The following KYAT3 variants were observed in gnomAD, a reference collection of about 807,000 sequenced individuals.
KYAT3 encodes the protein kynurenine--oxoglutarate transaminase 3.
A neutral mutation model predicts 59.0 loss-of-function variants in KYAT3; 50 were observed. The observed-to-expected ratio is 0.85, with a 90% CI of 0.68 to 1.07. KYAT3 has a LOEUF of 1.07. KYAT3 is among the 50% of genes least tolerant of loss of function. The probability of loss-of-function intolerance (pLI) is 0.00; values close to 1 mark genes in which losing one functional copy is unlikely to be tolerated. For synonymous variants in KYAT3, 148 were observed against 177.0 expected, an observed-to-expected ratio of 0.84 and a Z score of 1.30; for missense variants, 497 against 533.3, an observed-to-expected ratio of 0.93 and a Z score of 0.67.
intron 2 of KYAT3, among the ~76,000 whole-genome samples, chr1:88,973,070 G>C (rs1676619963): frequency 6.6e-6 from 1 of 152,146 alleles, no homozygotes; most frequent in Non-Finnish European, 1.5e-5. Context: ...CTTATAAAAA[G>C]GTGAGATCTG....
At chr1:88,949,003 G>A in intron 11 of KYAT3, 88 bp downstream of exon 11, 2 of 1,106,386 alleles carry the variant, frequency 1.8e-6, no homozygotes, top group South Asian at 3.9e-5. Context: ...TGCTGCTGTG[G>A]CTTTGACACC....
chr1:88,927,537 A>G, the KYAT3 span, among the ~76,000 whole-genome samples: 1 of 151,954 alleles, frequency 6.6e-6, no homozygotes, highest in East Asian at 1.9e-4. Flanking sequence ...CTACCTCCCT[A>G]CCCCAGTGTC....
At chr1:88,987,819 T>C (rs901587793) in intron 2 of KYAT3, among the ~76,000 whole-genome samples, 1 of 152,246 alleles carries the variant, frequency 6.6e-6, no homozygotes, top group Non-Finnish European at 1.5e-5. Context: ...TCCACATTCG[T>C]ATCTCTCTGA....
intron 2 of KYAT3, among the ~76,000 whole-genome samples, chr1:88,984,361 TGC>T (rs1410215181): frequency 1.4e-4 from 22 of 151,944 alleles, no homozygotes; most frequent in Non-Finnish European, 2.6e-4. Flanking sequence ...ATTACCGGCA[TGC>T]GCCACCACAC....
intron 4 of KYAT3, among the ~76,000 whole-genome samples, chr1:88,966,784 T>G (rs1404760880): frequency 6.6e-6 from 1 of 152,174 alleles, no homozygotes; most frequent in Non-Finnish European, 1.5e-5. Context: ...CTTTTCAATC[T>G]TACTATATTA....
the KYAT3 span, among the ~76,000 whole-genome samples, chr1:88,922,296 T>C: frequency 6.6e-6 from 1 of 152,020 alleles, no homozygotes; most frequent in Non-Finnish European, 1.5e-5. Flanking sequence ...ACAGAGACAA[T>C]ACCATGCAGG....
chr1:88,931,782 A>G (rs1674913774), downstream of KYAT3, among the ~76,000 whole-genome samples: 1 of 144,168 alleles, frequency 6.9e-6, no homozygotes, highest in Non-Finnish European at 1.5e-5. Context: ...GGGAAGGACA[A>G]TGATCGGGAT....
At chr1:88,963,175 G>A (rs1676215549) in intron 5 of KYAT3, among the ~76,000 whole-genome samples, 1 of 152,082 alleles carries the variant, frequency 6.6e-6, no homozygotes, top group African/African-American at 2.4e-5. Flanking sequence ...AGGTCAGTAT[G>A]ATAGCAAGTG....
intron 10 of KYAT3, among the ~76,000 whole-genome samples, chr1:88,950,267 CAG>C (rs1675616526): frequency 6.6e-6 from 1 of 152,130 alleles, no homozygotes; most frequent in Admixed American, 6.6e-5. Context: ...AGACTGGAGA[CAG>C]AGAGGGGCAA....
At chr1:88,975,581 C>T (rs968497765) in intron 2 of KYAT3, among the ~76,000 whole-genome samples, 1 of 152,208 alleles carries the variant, frequency 6.6e-6, no homozygotes, top group Admixed American at 6.5e-5. Flanking sequence ...AGGATAATAT[C>T]CTCAATATTA....
At chr1:88,983,474 C>T (rs1677225496) in intron 2 of KYAT3, 1 of 1,614,102 alleles carries the variant, frequency 6.2e-7, no homozygotes, top group Non-Finnish European at 8.5e-7. Context: ...TCCCCTGGTT[C>T]CTCCACTTCC....
chr1:88,933,602 C>T (rs1427538324), downstream of KYAT3, among the ~76,000 whole-genome samples: 3 of 152,168 alleles, frequency 2.0e-5, no homozygotes, highest in Non-Finnish European at 4.4e-5. Flanking sequence ...ACATATCCCA[C>T]TTCTGAAGAA....
downstream of KYAT3, among the ~76,000 whole-genome samples, chr1:88,930,940 A>C (rs2101003177): frequency 6.6e-6 from 1 of 152,274 alleles, no homozygotes; most frequent in Admixed American, 6.5e-5. Context: ...CTCCATTAGA[A>C]ATGCTTATAG....
At chr1:88,984,027 C>A in intron 2 of KYAT3, 1 of 490,124 alleles carries the variant, frequency 2.0e-6, no homozygotes, top group Admixed American at 3.6e-5. Flanking sequence ...AAATTACTTT[C>A]TTTTGCCACT....
Position 88,968,671 on chromosome 1 carries a change from A to C in KYAT3, c.302T>G (p.Phe101Cys). 6.4e-7 allele frequency: 1 copy of C among 1,559,682 alleles called. No homozygotes were observed. The highest frequency in any genetic ancestry group is 8.6e-7 in the Non-Finnish European group (1 of 1,162,254). The change falls in exon 4 of 14, where the codon TTT (phenylalanine) becomes TGT (cysteine). Residue 101 changes from phenylalanine (F) to cysteine (C), a missense_variant and splice_region_variant. Transcript: ENST00000260508. ...CCCATATGGTCTTGATATACTTACA[A>C]AGCCTCGTGTATACTGATTCAGGCT... ...IDSLNQYTRG[F>C]GHPSLVKALS...
intron 2 of KYAT3, among the ~76,000 whole-genome samples, chr1:88,978,958 T>C (rs1170880775): frequency 1.3e-5 from 2 of 151,838 alleles, no homozygotes; most frequent in African/African-American, 2.4e-5. Flanking sequence ...CCTGGTGGAG[T>C]TGTGATTTTT....
the KYAT3 span, among the ~76,000 whole-genome samples, chr1:88,927,548 C>T: frequency 6.6e-6 from 1 of 152,004 alleles, no homozygotes; most frequent in South Asian, 2.1e-4. Flanking sequence ...CCCCAGTGTC[C>T]CCCTGACTCC....
intron 8 of KYAT3, among the ~76,000 whole-genome samples, chr1:88,958,911 C>T (rs562249392): frequency 1.3e-5 from 2 of 152,298 alleles, no homozygotes; most frequent in South Asian, 4.1e-4. Context: ...TACTCTATCT[C>T]ATATTCAAAG....
intron 1 of KYAT3, among the ~76,000 whole-genome samples, chr1:88,988,694 A>G (rs1466469355): frequency 2.6e-5 from 4 of 152,262 alleles, no homozygotes; most frequent in Non-Finnish European, 2.9e-5. Context: ...TAAAATCCAG[A>G]GTATTTCAAT....
Sources: allele counts gnomAD v4.1 joint callset (sites outside exome capture counted in the v4.1 genomes callset), GRCh38; gene constraint gnomAD v4.1.1; transcripts MANE v1.5; gene names NCBI Gene and HGNC (gene_info 2026-07-23, HGNC 2026-07-21).